The following SERPINE2 variants were observed in gnomAD, a reference collection of about 807,000 sequenced individuals.
SERPINE2 encodes serpin family E member 2.
A neutral mutation model predicts 36.3 loss-of-function variants in SERPINE2; 14 were observed. That is an observed-to-expected ratio of 0.39 (90% CI 0.25 to 0.60). The LOEUF (loss-of-function observed/expected upper bound fraction) is 0.60. Ranked by LOEUF, SERPINE2 falls within the 20% of genes least tolerant of loss-of-function variation. The pLI, the probability that SERPINE2 is intolerant of heterozygous loss-of-function variation, is 0.57. For missense variants in SERPINE2, 418 were observed against 499.6 expected, an observed-to-expected ratio of 0.84 and a Z score of 1.56; for synonymous variants, 192 against 191.8, an observed-to-expected ratio of 1.00 and a Z score of -0.01.
At chr2:224,020,094 A>G (rs4674847) in intron 1 of SERPINE2, among the ~76,000 whole-genome samples, 143,747 of 152,184 alleles carry the variant, frequency 0.94, 68,248 homozygotes, top group Non-Finnish European at 0.99. Context: ...TGTCTGAATC[A>G]CACAAGTAAT....
At chr2:224,014,353 C>T (rs1427749936) in intron 1 of SERPINE2, among the ~76,000 whole-genome samples, 1 of 151,242 alleles carries the variant, frequency 6.6e-6, no homozygotes, top group Non-Finnish European at 1.5e-5. Flanking sequence ...CCAGCCTGAG[C>T]AACAATCAAG....
intron 1 of SERPINE2, among the ~76,000 whole-genome samples, chr2:224,035,554 A>G (rs1462427204): frequency 6.6e-6 from 1 of 152,056 alleles, no homozygotes; most frequent in Non-Finnish European, 1.5e-5. Context: ...TTTTTAGTAG[A>G]GACGCGGTTT....
At chr2:224,031,445 T>A in intron 1 of SERPINE2, 1 of 985,516 alleles carries the variant, frequency 1.0e-6, no homozygotes, top group Non-Finnish European at 1.2e-6. Context: ...GGCAGCACGG[T>A]CCTCTCCACT....
In SERPINE2 at chr2:223,984,662, A is replaced by T. The variant is rs145669443; in HGVS notation, c.884+90T>A. On this transcript the variant is annotated intron_variant, in intron 5 of 8. Transcript: ENST00000409304. ...AACAGAACAGGCTTCATGATGTGCCATATTTTCGCCTCATGTTGTCTGGTG... is the reference window on the plus strand; with the variant it reads ...AACAGAACAGGCTTCATGATGTGCCTTATTTTCGCCTCATGTTGTCTGGTG... 538 of 1,216,986 alleles carry T rather than the reference A, an allele frequency of 4.4e-4. 2 individuals are homozygous for T. In the African/African-American group the frequency reaches 7.1e-3, roughly 16 times the overall value. 75.4% of individuals were successfully genotyped at this position (1,216,986 alleles called of 1,614,324 possible). A position where few individuals can be genotyped will look rare whatever the true frequency, so the allele number is the denominator to read the frequency against.
intron 1 of SERPINE2, among the ~76,000 whole-genome samples, chr2:224,025,349 C>T (rs2106195934): frequency 6.6e-6 from 1 of 152,358 alleles, no homozygotes. Flanking sequence ...ATCTGACCAA[C>T]TTCTCCCACA....
At chr2:223,995,411 T>C (rs1365714759) in intron 3 of SERPINE2, among the ~76,000 whole-genome samples, 1 of 152,220 alleles carries the variant, frequency 6.6e-6, no homozygotes, top group East Asian at 1.9e-4. Flanking sequence ...AGGGATGTTT[T>C]TAATTGAGTG....
chr2:223,980,455 G>A (rs140231622), intron 6 of SERPINE2, 58 bp from the exon 7 acceptor site: 24 of 1,460,110 alleles, frequency 1.6e-5, no homozygotes, highest in Non-Finnish European at 2.3e-5. Flanking sequence ...CCATTGGTTG[G>A]TTGGGGAAGT....
chr2:224,009,369 C>A (rs1011488720), intron 1 of SERPINE2, among the ~76,000 whole-genome samples: 3 of 152,270 alleles, frequency 2.0e-5, no homozygotes, highest in South Asian at 4.1e-4. Flanking sequence ...TGACATCTCT[C>A]AACAGCTTTT....
At position 224,005,065 on chromosome 2, in the gene SERPINE2, TTA is replaced by T. The variant is rs71058976; in HGVS notation, c.-22-3145_-22-3144del. Among the ~76,000 whole-genome samples the T allele has an allele frequency of 7.7e-3, 258 of 33,546 alleles. 5 individuals are homozygous for T. In the East Asian group the frequency reaches 0.11, roughly 15 times the overall value. The allele number at this position is 33,546 out of a possible 152,430, so 22.0% of individuals were successfully genotyped here. A position where few individuals can be genotyped will look rare whatever the true frequency, so the allele number is the denominator to read the frequency against. On this transcript the variant is annotated intron_variant, in intron 1 of 8. Coordinates refer to ENST00000409304, the MANE Select transcript of SERPINE2 (RefSeq NM_001136528.2). ...ATATATTTTATATATTTTATATATA[TTA>T]TATATATATATATATATATATATAT...
intron 3 of SERPINE2, among the ~76,000 whole-genome samples, chr2:223,993,575 T>C (rs1310959074): frequency 6.6e-6 from 1 of 151,958 alleles, no homozygotes; most frequent in Non-Finnish European, 1.5e-5. Context: ...TGTATGTGTA[T>C]AAATACATAA....
At chr2:224,026,314 T>C (rs1267087633) in intron 1 of SERPINE2, among the ~76,000 whole-genome samples, 1 of 152,246 alleles carries the variant, frequency 6.6e-6, no homozygotes, top group Non-Finnish European at 1.5e-5. Flanking sequence ...CAACTAGCAC[T>C]ACCTTAACTA....
At position 223,991,858 on chromosome 2, in the gene SERPINE2, G is replaced by C. The variant is rs1209036957; in HGVS notation, c.630C>G (p.Ala210=). ...TTGGCACTTGATAGGATTTCCCGTCGGCTGCCACGAAAGTGCGTTTCTTTG... is the reference window on the plus strand; with the variant it reads ...TTGGCACTTGATAGGATTTCCCGTCCGCTGCCACGAAAGTGCGTTTCTTTG... ...ENTKKRTFVA[A]DGKSYQVPML... The change falls in exon 4 of 9, where the codon GCC becomes GCG. Residue 210 remains alanine (A), a synonymous_variant. Transcript: ENST00000409304. 1.1e-5 allele frequency: 18 copies of C among 1,613,162 alleles called. No individual in the cohort carries two copies. Among genetic ancestry groups the C allele is most frequent in the Non-Finnish European group, 1.5e-5 (18 of 1,179,828 alleles).
At chr2:223,997,840 G>A (rs1353589875) in intron 3 of SERPINE2, among the ~76,000 whole-genome samples, 3 of 152,320 alleles carry the variant, frequency 2.0e-5, no homozygotes, top group African/African-American at 4.8e-5. Context: ...TGTGGGCAAG[G>A]ATGCTGGAGA....
chr2:224,007,424 T>A (rs1453062119), intron 1 of SERPINE2, among the ~76,000 whole-genome samples: 1 of 152,216 alleles, frequency 6.6e-6, no homozygotes, highest in Non-Finnish European at 1.5e-5. Flanking sequence ...CTCCCCCCCA[T>A]ACTCAACATC....
At chr2:224,034,146 C>T (rs1196378020) in intron 1 of SERPINE2, among the ~76,000 whole-genome samples, 3 of 152,164 alleles carry the variant, frequency 2.0e-5, no homozygotes, top group South Asian at 2.1e-4. Flanking sequence ...AACACAGGCA[C>T]GTCTTTCTGG....
At chr2:224,004,595 C>T (rs1369093297) in intron 1 of SERPINE2, among the ~76,000 whole-genome samples, 2 of 152,094 alleles carry the variant, frequency 1.3e-5, no homozygotes, top group Non-Finnish European at 2.9e-5. Context: ...AAATCATGAC[C>T]GTGGAAGCTT....
intron 1 of SERPINE2, among the ~76,000 whole-genome samples, chr2:224,019,750 CTTT>C (rs754495536): frequency 1.7e-5 from 1 of 58,214 alleles, no homozygotes; most frequent in African/African-American, 5.5e-5. Flanking sequence ...TTGAGGAAGT[CTTT>C]TTTTTTTTTT....
intron 1 of SERPINE2, among the ~76,000 whole-genome samples, chr2:224,037,186 T>C (rs192026096): frequency 4.2e-4 from 64 of 152,278 alleles, no homozygotes; most frequent in African/African-American, 1.4e-3. Flanking sequence ...AGAAGATTTA[T>C]TGGATGACTG....
intron 8 of SERPINE2, 66 bp from the exon 9 acceptor site, chr2:223,975,970 G>A (rs1041152561): frequency 2.1e-6 from 3 of 1,432,942 alleles, no homozygotes; most frequent in South Asian, 1.3e-5. Flanking sequence ...AAGATGGAAG[G>A]TATTCTATTT....
Sources: gnomAD v4.1 joint callset for allele counts (sites outside exome capture counted in the v4.1 genomes callset) on GRCh38, gnomAD v4.1.1 for gene constraint, MANE v1.5 for transcripts, NCBI Gene and HGNC (gene_info 2026-07-23, HGNC 2026-07-21) for gene names.